Variants in GRM7 observed in about 807,000 individuals in gnomAD.
GRM7 encodes metabotropic glutamate receptor 7.
A neutral mutation model predicts 84.5 loss-of-function variants in GRM7; 35 were observed. The observed-to-expected ratio is 0.41, with a 90% CI of 0.32 to 0.55. GRM7 has a LOEUF of 0.55. Among genes scored for constraint, GRM7 ranks in the 20% least tolerant of loss-of-function variants. The pLI is 0.19. For missense variants in GRM7, 1,003 were observed against 1,194.6 expected (o/e 0.84, Z 2.36); for synonymous variants, 487 against 455.1 (o/e 1.07, Z -0.89).
At chr3:6,971,201 A>C (rs1420307758) in intron 1 of GRM7, among the ~76,000 whole-genome samples, 1 of 152,170 alleles carries the variant, frequency 6.6e-6, no homozygotes, top group East Asian at 1.9e-4. Context: ...AAATAACAAC[A>C]AAGCACTTTG....
chr3:7,548,464 C>A (rs148444046), intron 7 of GRM7, among the ~76,000 whole-genome samples: 1 of 152,176 alleles, frequency 6.6e-6, no homozygotes, highest in Non-Finnish European at 1.5e-5. Context: ...ATTTCCCAGC[C>A]TCAGGTGTTT....
chr3:6,910,084 T>C (rs1219730642), intron 1 of GRM7, among the ~76,000 whole-genome samples: 1 of 151,924 alleles, frequency 6.6e-6, no homozygotes, highest in Non-Finnish European at 1.5e-5. Context: ...AGGAAAAAAA[T>C]CAAGAGGTAC....
chr3:7,254,211 G>A (rs766381882), intron 2 of GRM7, among the ~76,000 whole-genome samples: 5 of 152,174 alleles, frequency 3.3e-5, no homozygotes, highest in African/African-American at 4.8e-5. Flanking sequence ...CAAAGGCCCC[G>A]TGCTTGGTTT....
chr3:7,112,781 C>T (rs954501383), intron 1 of GRM7, among the ~76,000 whole-genome samples: 10 of 152,118 alleles, frequency 6.6e-5, no homozygotes, highest in Non-Finnish European at 1.5e-4. Flanking sequence ...GAGAAATTTT[C>T]CTATCCCTCA....
intron 4 of GRM7, 144 bp downstream of exon 4, chr3:7,306,796 A>C (rs1019769852): frequency 3.4e-6 from 2 of 595,102 alleles, no homozygotes; most frequent in Non-Finnish European, 5.8e-6. Flanking sequence ...AATGCAAATG[A>C]GGCCACACAC....
chr3:7,575,213 C>G (rs1389579485), intron 7 of GRM7, among the ~76,000 whole-genome samples: 1 of 152,178 alleles, frequency 6.6e-6, no homozygotes, highest in African/African-American at 2.4e-5. Flanking sequence ...GAGCTACCTA[C>G]TAAGACCAGG....
At position 7,263,312 on chromosome 3, in the gene GRM7, T is replaced by A. The variant is rs145258987; in HGVS notation, c.737-35372T>A. On this transcript the variant is annotated intron_variant, in intron 2 of 9. Coordinates refer to ENST00000357716, the MANE Select transcript of GRM7 (RefSeq NM_000844.4). Reference sequence around the variant, plus strand: ...ACCTGCTGCGCTGGAGAGGGAGAGGTGCAACAGGACCACTGGTCACAACAC... The same window carrying A: ...ACCTGCTGCGCTGGAGAGGGAGAGGAGCAACAGGACCACTGGTCACAACAC... 2.6e-5 allele frequency among the ~76,000 whole-genome samples: 4 copies of A among 152,092 alleles called. No individual in the cohort carries two copies. In the East Asian group the frequency reaches 7.8e-4, roughly 29 times the overall value.
At chr3:7,378,409 A>G (rs1284894160) in intron 4 of GRM7, among the ~76,000 whole-genome samples, 2 of 152,214 alleles carry the variant, frequency 1.3e-5, no homozygotes, top group Non-Finnish European at 2.9e-5. Context: ...ATATGAAGTA[A>G]TATTTTTCTA....
At chr3:7,280,744 CAA>C (rs1699226655) in intron 2 of GRM7, among the ~76,000 whole-genome samples, 1 of 152,164 alleles carries the variant, frequency 6.6e-6, no homozygotes, top group Non-Finnish European at 1.5e-5. Context: ...CCTGTTTAAA[CAA>C]AGTTTCTTGA....
intron 2 of GRM7, among the ~76,000 whole-genome samples, chr3:7,246,254 C>G (rs1261524291): frequency 6.6e-6 from 1 of 152,116 alleles, no homozygotes. Flanking sequence ...AGCTATGTGG[C>G]AAATGTGGCT....
intron 1 of GRM7, among the ~76,000 whole-genome samples, chr3:7,089,007 C>A (rs6789952): frequency 0.57 from 85,657 of 151,272 alleles, 26,243 homozygotes; most frequent in African/African-American, 0.83. Context: ...TTCTTCCAAC[C>A]AAAAGCAAAT....
chr3:6,999,220 A>G (rs1694929789), intron 1 of GRM7, among the ~76,000 whole-genome samples: 1 of 152,192 alleles, frequency 6.6e-6, no homozygotes, highest in South Asian at 2.1e-4. Flanking sequence ...TTGCGAAATC[A>G]TAGCAAGAAT....
At chr3:7,644,150 GTACGTATATATATATA>G (rs1698499668) in intron 8 of GRM7, among the ~76,000 whole-genome samples, 3 of 120,736 alleles carry the variant, frequency 2.5e-5, no homozygotes, top group Non-Finnish European at 5.6e-5. Flanking sequence ...ATATATGTCT[GTACGTATATATATATA>G]TGTCTGTACA....
chr3:7,626,568 C>T (rs1016737681), intron 8 of GRM7, among the ~76,000 whole-genome samples: 4 of 152,154 alleles, frequency 2.6e-5, no homozygotes, highest in Non-Finnish European at 5.9e-5. Flanking sequence ...TGTGCCATGC[C>T]TCTGCCAAGC....
intron 8 of GRM7, among the ~76,000 whole-genome samples, chr3:7,595,358 A>T (rs1695986993): frequency 1.3e-5 from 2 of 152,138 alleles, no homozygotes; most frequent in Non-Finnish European, 2.9e-5. Context: ...AAGGATGTAG[A>T]AGCAAACATA....
intron 1 of GRM7, among the ~76,000 whole-genome samples, chr3:6,955,982 A>G (rs1693033665): frequency 6.6e-6 from 1 of 152,188 alleles, no homozygotes. Flanking sequence ...ATCACAAAGG[A>G]GAGAAATATT....
intron 5 of GRM7, among the ~76,000 whole-genome samples, chr3:7,421,382 T>C (rs905096050): frequency 3.3e-5 from 5 of 152,186 alleles, no homozygotes; most frequent in African/African-American, 1.2e-4. Flanking sequence ...TCTCAGATCA[T>C]AAAATTGCTA....
chr3:7,360,156 T>C lies in GRM7; in HGVS notation c.1033+53504T>C, dbSNP rs1409703936. Among the ~76,000 whole-genome samples, 7 of 144,234 alleles carry C rather than the reference T, an allele frequency of 4.9e-5. 1 individual carries two copies. The highest frequency in any genetic ancestry group is 1.9e-4 in the African/African-American group (7 of 37,526). The allele number at this position is 144,234 out of a possible 152,430, so 94.6% of individuals were successfully genotyped here. A position where few individuals can be genotyped will look rare whatever the true frequency, so the allele number is the denominator to read the frequency against. On this transcript the variant is annotated intron_variant, in intron 4 of 9. Transcript: ENST00000357716. ...TTCCCTCTGTGTGTGTGTGTGTGTGTGTGTGTGTGTGTGTGTGAAAGAAAA... is the reference window on the plus strand; with the variant it reads ...TTCCCTCTGTGTGTGTGTGTGTGTGCGTGTGTGTGTGTGTGTGAAAGAAAA...
chr3:7,479,025 G>C (rs1479420785), intron 7 of GRM7, among the ~76,000 whole-genome samples: 1 of 151,852 alleles, frequency 6.6e-6, no homozygotes, highest in African/African-American at 2.4e-5. Context: ...AGTCCGGCTT[G>C]GAAGTCTCTG....
Sources: allele counts gnomAD v4.1 joint callset (sites outside exome capture counted in the v4.1 genomes callset), GRCh38; gene constraint gnomAD v4.1.1; transcripts MANE v1.5; gene names NCBI Gene and HGNC (gene_info 2026-07-23, HGNC 2026-07-21).